PCDHGA5: variants seen among roughly 807,000 people sequenced by gnomAD.
The protein encoded by PCDHGA5 is protocadherin gamma subfamily A, 5.
A neutral mutation model predicts 56.7 loss-of-function variants in PCDHGA5; 36 were observed. That is an observed-to-expected ratio of 0.64 (90% CI 0.49 to 0.84). The LOEUF (loss-of-function observed/expected upper bound fraction) is 0.84. PCDHGA5 is among the 40% of genes least tolerant of loss of function. PCDHGA5 has a pLI of 0.00. For synonymous variants in PCDHGA5, 563 were observed against 520.2 expected, an observed-to-expected ratio of 1.08 and a Z score of -1.12; for missense variants, 1,305 against 1,201.5, an observed-to-expected ratio of 1.09 and a Z score of -1.27.
intron 1 of PCDHGA5, among the ~76,000 whole-genome samples, chr5:141,454,596 G>C (rs1184158084): frequency 1.3e-5 from 2 of 151,324 alleles, no homozygotes; most frequent in Non-Finnish European, 2.9e-5. Flanking sequence ...AGTAGAGACA[G>C]GGTTTCTCCA....
rs909174523 is a variant in PCDHGA5 at position 141,474,102 on chromosome 5, A to AAAC, written c.2422-20695_2422-20693dup. 2.6e-5 allele frequency among the ~76,000 whole-genome samples: 4 copies of AAAC among 152,286 alleles called. No homozygotes were observed. In the East Asian group the frequency reaches 7.7e-4, roughly 29 times the overall value. ...AAAACCAAAAAACAAACAACAACAA[A>AAAC]AACAACAACAACGAAAATCTCAGAA... is the stretch of plus-strand genomic sequence containing the variant. On this transcript the variant is annotated intron_variant, in intron 1 of 3. Coordinates refer to ENST00000518069, the MANE Select transcript of PCDHGA5 (RefSeq NM_018918.3).
chr5:141,397,200 G>A (rs2093487150), intron 1 of PCDHGA5, among the ~76,000 whole-genome samples: 1 of 152,154 alleles, frequency 6.6e-6, no homozygotes, highest in Non-Finnish European at 1.5e-5. Context: ...TAAAAGATAT[G>A]ACATAAGAGA....
intron 1 of PCDHGA5, among the ~76,000 whole-genome samples, chr5:141,448,196 A>G (rs753761675): frequency 1.3e-5 from 2 of 152,176 alleles, no homozygotes; most frequent in Non-Finnish European, 2.9e-5. Context: ...TACACTTACA[A>G]ACATTTTCTG....
intron 1 of PCDHGA5, chr5:141,403,999 T>C (rs1399272947): frequency 3.1e-6 from 5 of 1,613,898 alleles, no homozygotes; most frequent in Non-Finnish European, 4.2e-6. Context: ...AAGTGACCAT[T>C]ACATCTCTGT....
At chr5:141,484,071 T>C (rs1405337642) in intron 1 of PCDHGA5, among the ~76,000 whole-genome samples, 1 of 152,144 alleles carries the variant, frequency 6.6e-6, no homozygotes, top group Non-Finnish European at 1.5e-5. Flanking sequence ...GTGAAAAGCT[T>C]GCTCTTTTGA....
chr5:141,473,887 C>T (rs887871337), intron 1 of PCDHGA5, among the ~76,000 whole-genome samples: 3 of 152,144 alleles, frequency 2.0e-5, no homozygotes, highest in Non-Finnish European at 2.9e-5. Context: ...CACAAGGGTT[C>T]TGTTGGTTCA....
At chr5:141,410,576 C>A (rs533810160) in intron 1 of PCDHGA5, 1 of 1,611,270 alleles carries the variant, frequency 6.2e-7, no homozygotes, top group African/African-American at 1.3e-5. Flanking sequence ...AATTCCACCT[C>A]ATGGTGGGGA....
chr5:141,439,368 A>C (rs1346879772), intron 1 of PCDHGA5, among the ~76,000 whole-genome samples: 1 of 152,192 alleles, frequency 6.6e-6, no homozygotes, highest in East Asian at 1.9e-4. Flanking sequence ...CATCAAGAAG[A>C]AATAAAAATA....
At chr5:141,394,703 A>C (rs138625114) in intron 1 of PCDHGA5, 42,437 of 1,613,130 alleles carry the variant, frequency 0.026, 739 homozygotes, top group East Asian at 0.04. Flanking sequence ...GCACGGCGCG[A>C]GCCCTGCTGG....
At chr5:141,428,754 T>C (rs932377392) in intron 1 of PCDHGA5, 7 of 154,708 alleles carry the variant, frequency 4.5e-5, no homozygotes, top group African/African-American at 1.4e-4. Context: ...TTGCTTCAGG[T>C]TTGTTTGCCC....
intron 1 of PCDHGA5, chr5:141,418,890 G>A (rs1449142412): frequency 1.9e-6 from 3 of 1,613,934 alleles, no homozygotes; most frequent in Non-Finnish European, 2.5e-6. Flanking sequence ...AACGACAACA[G>A]CCCAGAAATA....
chr5:141,483,716 G>C (rs772661472), intron 1 of PCDHGA5, among the ~76,000 whole-genome samples: 1 of 151,974 alleles, frequency 6.6e-6, no homozygotes, highest in Non-Finnish European at 1.5e-5. Context: ...CCAGAATATT[G>C]GTTCCCACCA....
At position 141,489,585 on chromosome 5, in the gene PCDHGA5, G is replaced by A; in HGVS notation, c.2422-5222G>A. 3 of 1,614,090 alleles carry A rather than the reference G, an allele frequency of 1.9e-6. No individual in the cohort carries two copies. Among genetic ancestry groups the A allele is most frequent in the Non-Finnish European group, 2.5e-6 (3 of 1,180,004 alleles). The stretch of plus-strand genomic sequence containing the variant: ...AGGTGGTGACTGAACACCCCCTGGA[G>A]CTAATCCGTGTAGAGGTAGAGATCC... On this transcript the variant is annotated intron_variant, in intron 1 of 3. Coordinates refer to ENST00000518069, the MANE Select transcript of PCDHGA5 (RefSeq NM_018918.3). The surrounding 1 kb of genome is among the most constrained non-coding windows in gnomAD (Gnocchi z 4.5).
At chr5:141,372,466 A>G in intron 1 of PCDHGA5, 1 of 1,613,906 alleles carries the variant, frequency 6.2e-7, no homozygotes, top group South Asian at 1.1e-5. Context: ...CTACAGTTTC[A>G]CCTAGTAGTG....
intron 1 of PCDHGA5, among the ~76,000 whole-genome samples, chr5:141,382,170 C>T (rs1056617010): frequency 1.3e-5 from 2 of 151,888 alleles, no homozygotes; most frequent in Non-Finnish European, 2.9e-5. Context: ...GGTGTTAGAC[C>T]GTCTCTAAGG....
chr5:141,388,907 C>T (rs1321583045), intron 1 of PCDHGA5: 5 of 1,613,786 alleles, frequency 3.1e-6, no homozygotes, highest in African/African-American at 1.3e-5. Context: ...AAAATGACAA[C>T]GCCCCAGAAG....
At chr5:141,404,354 G>C in intron 1 of PCDHGA5, 1 of 1,613,916 alleles carries the variant, frequency 6.2e-7, no homozygotes. Context: ...CAACGCCAGA[G>C]GTACTTCCAT....
Position 141,489,091 on chromosome 5 carries a change from T to A in PCDHGA5, c.2422-5716T>A. 1.9e-4 allele frequency: 63 copies of A among 332,802 alleles called. No individual in the cohort carries two copies. Among genetic ancestry groups the A allele is most frequent in the East Asian group, 2.9e-4 (6 of 20,542 alleles). The allele number at this position is 332,802 out of a possible 1,614,324, so 20.6% of individuals were successfully genotyped here. A position where few individuals can be genotyped will look rare whatever the true frequency, so the allele number is the denominator to read the frequency against. ...CTGCCCACCCCCGCCACTCGGTGAC[T>A]AAGAACTGCTGCAAGCAGGCAAACC... On this transcript the variant is annotated intron_variant, in intron 1 of 3. Transcript: ENST00000518069. This position sits in a 1 kb window ranked among gnomAD's most constrained non-coding sequence, Gnocchi z 4.5.
Position 141,486,230 on chromosome 5 carries a change from A to C in PCDHGA5, c.2422-8577A>C. On this transcript the variant is annotated intron_variant, in intron 1 of 3. Coordinates refer to ENST00000518069, the MANE Select transcript of PCDHGA5 (RefSeq NM_018918.3). The surrounding 1 kb of genome is among the most constrained non-coding windows in gnomAD (Gnocchi z 5.0). ...TGACAATGCCCCTTACATCACAGTGACCTCAGAGCTTGGAACCCTCCCCGA... is the reference window on the plus strand; with the variant it reads ...TGACAATGCCCCTTACATCACAGTGCCCTCAGAGCTTGGAACCCTCCCCGA... The C allele has an allele frequency of 6.2e-7, 1 of 1,614,016 alleles. No individual in the cohort carries two copies. Among genetic ancestry groups the C allele is most frequent in the Non-Finnish European group, 8.5e-7 (1 of 1,179,964 alleles).
Sources: gnomAD v4.1 joint callset for allele counts (sites outside exome capture counted in the v4.1 genomes callset) on GRCh38, gnomAD v4.1.1 for gene constraint, Gnocchi (gnomAD v3.1) non-coding constraint, MANE v1.5 for transcripts, NCBI Gene and HGNC (gene_info 2026-07-23, HGNC 2026-07-21) for gene names.